The following MSRA variants were observed in gnomAD, a reference collection of about 807,000 sequenced individuals.
MSRA encodes mitochondrial peptide methionine sulfoxide reductase.
Under a neutral mutation model 31.3 loss-of-function variants are expected in MSRA, and 54 were observed. The observed-to-expected ratio is 1.73, with a 90% confidence interval of 1.39 to 2.17. MSRA has a LOEUF of 2.17. MSRA is among the 30% of genes most tolerant of loss of function. The pLI is 0.00. For synonymous variants in MSRA, 169 were observed against 116.5 expected (o/e 1.45, Z -2.90); for missense variants, 507 against 300.9 (o/e 1.69, Z -5.07).
intron 1 of MSRA, among the ~76,000 whole-genome samples, chr8:10,089,248 C>G (rs1324298846): frequency 1.3e-5 from 2 of 152,132 alleles, no homozygotes; most frequent in African/African-American, 4.8e-5. Flanking sequence ...ATCACGTTGT[C>G]AAACTCAAAA....
chr8:10,067,409 C>G (rs1797509907), intron 1 of MSRA, among the ~76,000 whole-genome samples: 1 of 152,164 alleles, frequency 6.6e-6, no homozygotes, highest in Non-Finnish European at 1.5e-5. Flanking sequence ...ACAGTTGATC[C>G]ATTCACCTAC....
At chr8:10,399,353 G>T (rs1359648132) in intron 5 of MSRA, among the ~76,000 whole-genome samples, 1 of 152,228 alleles carries the variant, frequency 6.6e-6, no homozygotes, top group Non-Finnish European at 1.5e-5. Flanking sequence ...GTGACCTCCA[G>T]TGTTGGCGGT....
At chr8:10,222,453 T>TA (rs1810600862) in intron 2 of MSRA, among the ~76,000 whole-genome samples, 2 of 152,114 alleles carry the variant, frequency 1.3e-5, no homozygotes, top group Admixed American at 1.3e-4. Flanking sequence ...TGGAGGTTTG[T>TA]AAAAAAATTT....
intron 1 of MSRA, among the ~76,000 whole-genome samples, chr8:10,163,082 C>T (rs1804803993): frequency 6.6e-6 from 1 of 152,128 alleles, no homozygotes; most frequent in South Asian, 2.1e-4. Flanking sequence ...TGAAAGGGAC[C>T]TCTTTGCACC....
At chr8:10,342,426 A>C (rs1803485225) in intron 5 of MSRA, among the ~76,000 whole-genome samples, 1 of 152,244 alleles carries the variant, frequency 6.6e-6, no homozygotes, top group South Asian at 2.1e-4. Context: ...ATGAGAGAAT[A>C]AGAGTGAACA....
At chr8:10,407,651 G>A (rs962858368) in intron 5 of MSRA, among the ~76,000 whole-genome samples, 1 of 152,170 alleles carries the variant, frequency 6.6e-6, no homozygotes, top group African/African-American at 2.4e-5. Flanking sequence ...TTGAATTTCT[G>A]GGGTGGGGTT....
intron 5 of MSRA, among the ~76,000 whole-genome samples, chr8:10,388,361 C>G (rs1806523449): frequency 6.6e-6 from 1 of 152,186 alleles, no homozygotes; most frequent in South Asian, 2.1e-4. Context: ...GAGGGAGATG[C>G]TCTTAGAAGG....
chr8:10,304,183 C>A (rs1801001633), intron 4 of MSRA, among the ~76,000 whole-genome samples: 1 of 152,198 alleles, frequency 6.6e-6, no homozygotes, highest in Non-Finnish European at 1.5e-5. Flanking sequence ...GTGATCCACC[C>A]TCCTTGGCCT....
chr8:10,205,244 G>C (rs1053677040), intron 1 of MSRA, among the ~76,000 whole-genome samples: 1 of 152,056 alleles, frequency 6.6e-6, no homozygotes, highest in Non-Finnish European at 1.5e-5. Flanking sequence ...GGCAGATGTC[G>C]GAGTCCGGAA....
intron 5 of MSRA, among the ~76,000 whole-genome samples, chr8:10,401,094 A>T (rs1348118092): frequency 3.6e-5 from 2 of 54,950 alleles, no homozygotes; most frequent in Non-Finnish European, 9.5e-5. Context: ...AGTGGACACT[A>T]TCAAGAATAT....
chr8:10,188,795 T>C (rs1404637149), intron 1 of MSRA, among the ~76,000 whole-genome samples: 2 of 152,246 alleles, frequency 1.3e-5, no homozygotes, highest in East Asian at 3.8e-4. Flanking sequence ...CAGTAAGTCC[T>C]GAAATCAGGT....
intron 2 of MSRA, among the ~76,000 whole-genome samples, chr8:10,233,781 T>C (rs1309522190): frequency 3.9e-5 from 6 of 152,210 alleles, no homozygotes. Flanking sequence ...GAGAATATAA[T>C]AGCTGAAGAC....
intron 1 of MSRA, among the ~76,000 whole-genome samples, chr8:10,138,826 C>G (rs1043048288): frequency 6.6e-6 from 1 of 152,166 alleles, no homozygotes; most frequent in Admixed American, 6.5e-5. Flanking sequence ...GTGGAAAATT[C>G]CGTGAGAGTG....
At chr8:10,336,652 T>C (rs1448525420) in intron 5 of MSRA, 1 of 152,210 alleles carries the variant, frequency 6.6e-6, no homozygotes, top group Non-Finnish European at 1.5e-5. Flanking sequence ...TTTTTGTTGC[T>C]CTGTGTAGCC....
intron 1 of MSRA, among the ~76,000 whole-genome samples, chr8:10,081,435 C>A (rs558456248): frequency 6.6e-6 from 1 of 152,114 alleles, no homozygotes; most frequent in Admixed American, 6.5e-5. Context: ...TGATTACTTC[C>A]GCCTCAAGGT....
intron 1 of MSRA, among the ~76,000 whole-genome samples, chr8:10,071,930 G>C (rs1797752868): frequency 6.6e-6 from 1 of 152,182 alleles, no homozygotes; most frequent in Non-Finnish European, 1.5e-5. Flanking sequence ...AAGAGACAGA[G>C]CAAGATCAGT....
At chr8:10,300,592 T>C (rs1224586393) in intron 3 of MSRA, among the ~76,000 whole-genome samples, 1 of 152,092 alleles carries the variant, frequency 6.6e-6, no homozygotes, top group Non-Finnish European at 1.5e-5. Flanking sequence ...TTTCACCAGA[T>C]TGGCCAGGCT....
intron 3 of MSRA, among the ~76,000 whole-genome samples, chr8:10,259,403 G>A (rs956364449): frequency 6.6e-6 from 1 of 152,170 alleles, no homozygotes; most frequent in East Asian, 1.9e-4. Context: ...ACAGGTTGGT[G>A]AAAGGAACAC....
intron 5 of MSRA, among the ~76,000 whole-genome samples, chr8:10,372,232 A>G (rs559206122): frequency 6.6e-6 from 1 of 152,284 alleles, no homozygotes; most frequent in South Asian, 2.1e-4. Flanking sequence ...CTGGGCAGCC[A>G]TTGCCATAGG....
Sources: allele counts gnomAD v4.1 joint callset (sites outside exome capture counted in the v4.1 genomes callset), GRCh38; gene constraint gnomAD v4.1.1; transcripts MANE v1.5; gene names NCBI Gene and HGNC (gene_info 2026-07-23, HGNC 2026-07-21).